The following PIK3C3 variants were observed in gnomAD, a reference collection of about 807,000 sequenced individuals.
PIK3C3 encodes phosphatidylinositol 3-kinase catalytic subunit type 3, also known as PI3-kinase type 3.
Under a neutral mutation model 126.1 loss-of-function variants are expected in PIK3C3, and 95 were observed. The observed-to-expected ratio is 0.75, with a 90% CI of 0.64 to 0.89. PIK3C3 has a LOEUF of 0.89. PIK3C3 is among the 40% of genes least tolerant of loss of function. The pLI, the probability that PIK3C3 is intolerant of heterozygous loss-of-function variation, is 0.00. For synonymous variants in PIK3C3, 374 were observed against 360.0 expected, an observed-to-expected ratio of 1.04 and a Z score of -0.44; for missense variants, 829 against 1,063.2, an observed-to-expected ratio of 0.78 and a Z score of 3.06.
In PIK3C3 at chr18:42,015,480, C is replaced by G; in HGVS notation, c.1330C>G (p.Gln444Glu). ...TCTCTTTTATTACTTTTTCAGCTCC[C>G]AAATTATAACCAGCCCCCTTCCTTC... ...GINSAEIDSS[Q>E]IITSPLPSVS... The change falls in exon 12 of 25, where the codon CAA becomes GAA. Residue 444 changes from glutamine (Q) to glutamate (E), a missense_variant. Transcript: ENST00000262039. 1 of 1,612,856 alleles carries G rather than the reference C, an allele frequency of 6.2e-7. No individual in the cohort carries two copies. Among genetic ancestry groups the G allele is most frequent in the Non-Finnish European group, 8.5e-7 (1 of 1,179,226 alleles).
At chr18:41,984,283 A>G (rs1981356835) in intron 4 of PIK3C3, among the ~76,000 whole-genome samples, 1 of 152,104 alleles carries the variant, frequency 6.6e-6, no homozygotes, top group Non-Finnish European at 1.5e-5. Flanking sequence ...TTTAGTATCT[A>G]TAGAAGTTCG....
rs113743918 is a variant in PIK3C3 at position 41,965,598 on chromosome 18, C to T, written c.401+2966C>T. ...GGGGCCCAAGAATCAGCATTTTAAA[C>T]AAGCATCCTGAGTGAGTCTGTGAAA... is the stretch of plus-strand genomic sequence containing the variant. On this transcript the variant is annotated intron_variant, in intron 3 of 24. Transcript: ENST00000262039. Among the ~76,000 whole-genome samples, 29 of 152,288 alleles carry T rather than the reference C, an allele frequency of 1.9e-4. 1 individual carries two copies. In the South Asian group the frequency reaches 4.4e-3, roughly 23 times the overall value.
Position 42,011,224 on chromosome 18 carries a change from A to T in PIK3C3, c.1171-2218A>T, listed in dbSNP as rs188746713. On this transcript the variant is annotated intron_variant, in intron 10 of 24. Coordinates refer to ENST00000262039, the MANE Select transcript of PIK3C3 (RefSeq NM_002647.4). ...TCAACTTAAAGTCACTGCCTACGTT[A>T]GACCCTTACCAAGAGAGTCAGTCTA... is the stretch of plus-strand genomic sequence containing the variant. 3.9e-3 allele frequency among the ~76,000 whole-genome samples: 595 copies of T among 152,314 alleles called. 3 individuals are homozygous for T. Among genetic ancestry groups the T allele is most frequent in the African/African-American group, 0.013 (560 of 41,558 alleles).
intron 16 of PIK3C3, among the ~76,000 whole-genome samples, chr18:42,037,240 T>C (rs1273679381): frequency 6.6e-6 from 1 of 152,206 alleles, no homozygotes; most frequent in Non-Finnish European, 1.5e-5. Flanking sequence ...TTCACCTTAT[T>C]TATTTCAGTA....
chr18:42,027,192 A>G (rs1174489656), intron 13 of PIK3C3: 2 of 221,232 alleles, frequency 9.0e-6, no homozygotes, highest in Non-Finnish European at 1.8e-5. Context: ...TTTGGTGGCA[A>G]AAGTTTTAGA....
At position 41,988,016 on chromosome 18, in the gene PIK3C3, T is replaced by A. The variant is rs1981583039; in HGVS notation, c.618+118T>A. ...ATATAGGATTATCAGGGTTAACCCCTGTAGCTGGGAATTCTATGCTAATAA... is the reference window on the plus strand; with the variant it reads ...ATATAGGATTATCAGGGTTAACCCCAGTAGCTGGGAATTCTATGCTAATAA... On this transcript the variant is annotated intron_variant, in intron 5 of 24. Transcript: ENST00000262039. The A allele has an allele frequency of 8.5e-6, 5 of 587,208 alleles. No individual in the cohort carries two copies. The South Asian group carries it at 1.4e-4, about 16-fold the overall frequency. 36.4% of individuals were successfully genotyped at this position (587,208 alleles called of 1,614,324 possible).
chr18:41,998,720 G>A (rs1982143408), intron 9 of PIK3C3, among the ~76,000 whole-genome samples: 1 of 152,080 alleles, frequency 6.6e-6, no homozygotes. Context: ...TAGAGTGAAC[G>A]ATATGTTTTA....
intron 20 of PIK3C3, among the ~76,000 whole-genome samples, chr18:42,044,560 T>C (rs760615745): frequency 6.6e-6 from 1 of 151,644 alleles, no homozygotes; most frequent in Non-Finnish European, 1.5e-5. Flanking sequence ...CTGTAGGAGG[T>C]GTGCACCACC....
At chr18:41,985,948 C>T (rs1981452689) in intron 4 of PIK3C3, among the ~76,000 whole-genome samples, 1 of 152,110 alleles carries the variant, frequency 6.6e-6, no homozygotes, top group African/African-American at 2.4e-5. Context: ...CACATCCAAA[C>T]TTAATTTACC....
intron 19 of PIK3C3, 95 bp from the exon 20 acceptor site, chr18:42,043,638 A>G (rs1984426311): frequency 5.3e-6 from 4 of 752,138 alleles, no homozygotes; most frequent in Admixed American, 2.1e-5. Flanking sequence ...ATTAAGCTTT[A>G]TGCTAGACAC....
chr18:41,985,620 C>A (rs555972347), intron 4 of PIK3C3, among the ~76,000 whole-genome samples: 1 of 152,122 alleles, frequency 6.6e-6, no homozygotes, highest in East Asian at 1.9e-4. Context: ...CATTTTCATT[C>A]TTTTGTGTCT....
intron 4 of PIK3C3, among the ~76,000 whole-genome samples, chr18:41,972,132 A>G (rs533514463): frequency 4.7e-4 from 71 of 152,106 alleles, no homozygotes; most frequent in African/African-American, 1.6e-3. Flanking sequence ...TTTCATTTTA[A>G]TCTTTTGAAT....
chr18:42,073,824 ATCT>A (rs1160777118), intron 24 of PIK3C3, among the ~76,000 whole-genome samples: 3 of 151,324 alleles, frequency 2.0e-5, no homozygotes, highest in Non-Finnish European at 2.9e-5. Flanking sequence ...GTCCTCTTTC[ATCT>A]TCTTTAAGAA....
Position 41,995,953 on chromosome 18 carries a change from C to T in PIK3C3, c.850C>T (p.His284Tyr), listed in dbSNP as rs1366371572. 7 of 1,612,798 alleles carry T rather than the reference C, an allele frequency of 4.3e-6. No homozygotes were observed. Among genetic ancestry groups the T allele is most frequent in the Non-Finnish European group, 5.9e-6 (7 of 1,179,070 alleles). The change falls in exon 8 of 25, where the codon CAC becomes TAC. Residue 284 changes from histidine (H) to tyrosine (Y), a missense_variant. By Grantham distance (83) the His-to-Tyr change is moderately conservative. Transcript: ENST00000262039. ...GAGTTTAAGAAGTGGACCTTCTGAC[C>T]ACGATCTGAAACCCAATGCTGCCAC... ...ARSLRSGPSD[H>Y]DLKPNAATRD...
chr18:41,956,901 C>T (rs771605257), intron 1 of PIK3C3, among the ~76,000 whole-genome samples: 1 of 152,114 alleles, frequency 6.6e-6, no homozygotes, highest in South Asian at 2.1e-4. Flanking sequence ...TATAAAATGC[C>T]TGGCACAGTA....
intron 13 of PIK3C3, among the ~76,000 whole-genome samples, chr18:42,025,045 C>T (rs952147479): frequency 9.9e-5 from 15 of 152,034 alleles, no homozygotes; most frequent in African/African-American, 3.1e-4. Context: ...ATCTCCTGAC[C>T]TCATGATCCG....
At chr18:42,004,230 C>A in intron 9 of PIK3C3, 126 bp from the exon 10 acceptor site, 1 of 655,348 alleles carries the variant, frequency 1.5e-6, no homozygotes, top group African/African-American at 1.8e-5. Flanking sequence ...TCATTTAGTG[C>A]TTACACAAGG....
At chr18:42,003,242 A>C (rs980464757) in intron 9 of PIK3C3, among the ~76,000 whole-genome samples, 5 of 152,194 alleles carry the variant, frequency 3.3e-5, no homozygotes, top group Admixed American at 3.3e-4. Context: ...TTCTTGAGGA[A>C]TTGATTAGTT....
chr18:42,078,334 G>A (rs1032094099), intron 24 of PIK3C3, among the ~76,000 whole-genome samples: 4 of 137,946 alleles, frequency 2.9e-5, no homozygotes, highest in African/African-American at 5.5e-5. Context: ...CCGAGATTGC[G>A]CCACTGCAGT....
Sources: gnomAD v4.1 joint callset for allele counts (sites outside exome capture counted in the v4.1 genomes callset) on GRCh38, gnomAD v4.1.1 for gene constraint, MANE v1.5 for transcripts, NCBI Gene and HGNC (gene_info 2026-07-23, HGNC 2026-07-21) for gene names.